LRMDA: variants seen among roughly 807,000 people sequenced by gnomAD.
The protein encoded by LRMDA is leucine rich melanocyte differentiation associated.
In LRMDA, 18 loss-of-function variants were observed where a neutral mutation model predicts 29.8. The ratio of observed to expected loss-of-function variants is 0.60; its 90% CI spans 0.42 to 0.90. The LOEUF is 0.90. LRMDA is among the 40% of genes least tolerant of loss of function. LRMDA has a pLI of 0.00. For missense variants in LRMDA, 273 were observed against 273.9 expected (o/e 1.00, Z 0.02); for synonymous variants, 125 against 109.4 (o/e 1.14, Z -0.89).
intron 2 of LRMDA, among the ~76,000 whole-genome samples, chr10:75,891,216 C>T (rs1845485067): frequency 6.6e-6 from 1 of 152,188 alleles, no homozygotes; most frequent in African/African-American, 2.4e-5. Flanking sequence ...GAGGTCCCTG[C>T]CCTTCCCTGT....
chr10:75,664,106 T>C (rs1273660441), intron 2 of LRMDA, among the ~76,000 whole-genome samples: 1 of 152,208 alleles, frequency 6.6e-6, no homozygotes, highest in African/African-American at 2.4e-5. Context: ...GCCTCCACTC[T>C]AGAAAATGTA....
rs557190511 is a variant in LRMDA at position 75,594,691 on chromosome 10, G to T, written c.131+156197G>T. On this transcript the variant is annotated intron_variant, in intron 2 of 6. Coordinates refer to ENST00000611255, the MANE Select transcript of LRMDA (RefSeq NM_001305581.2). ...TGTTATTTAATTGGTCATAGTAGGG[G>T]GGATCCTAGCATATGCGAGACAGCG... is the stretch of plus-strand genomic sequence containing the variant. Among the ~76,000 whole-genome samples, 8 of 152,302 alleles carry T rather than the reference G, an allele frequency of 5.3e-5. No homozygotes were observed. In the South Asian group the frequency reaches 1.7e-3, roughly 32 times the overall value.
At chr10:75,696,569 A>G (rs1044221321) in intron 2 of LRMDA, among the ~76,000 whole-genome samples, 2 of 152,272 alleles carry the variant, frequency 1.3e-5, no homozygotes, top group African/African-American at 4.8e-5. Context: ...CTTTAGCGGT[A>G]CATGATTGGT....
Position 76,488,772 on chromosome 10 carries a change from A to G in LRMDA, c.602-68437A>G, listed in dbSNP as rs1207990752. 3.3e-5 allele frequency among the ~76,000 whole-genome samples: 5 copies of G among 152,000 alleles called. No homozygotes were observed. In the East Asian group the frequency reaches 9.8e-4, roughly 30 times the overall value. On this transcript the variant is annotated intron_variant, in intron 6 of 6. Transcript: ENST00000611255. ...CTCCAAATCCTCACCAACACTTGGT[A>G]TGGTGAGTCTTTTTAATTATCATAT...
chr10:75,960,636 T>C (rs773521081), intron 2 of LRMDA, among the ~76,000 whole-genome samples: 1 of 152,186 alleles, frequency 6.6e-6, no homozygotes, highest in African/African-American at 2.4e-5. Flanking sequence ...ATTTTAGAGA[T>C]AGAGTCTCAC....
At chr10:75,562,440 G>A (rs1007563775) in intron 2 of LRMDA, among the ~76,000 whole-genome samples, 10 of 152,054 alleles carry the variant, frequency 6.6e-5, no homozygotes, top group African/African-American at 2.4e-4. Context: ...CACGTGAGAT[G>A]GGTTTCCTGA....
At chr10:75,457,703 G>A (rs1013873066) in intron 2 of LRMDA, among the ~76,000 whole-genome samples, 5 of 152,162 alleles carry the variant, frequency 3.3e-5, no homozygotes, top group Admixed American at 2.0e-4. Flanking sequence ...TCTCAGATAT[G>A]TTTTAGTCCT....
At chr10:75,530,200 G>A (rs1845460913) in intron 2 of LRMDA, among the ~76,000 whole-genome samples, 1 of 151,904 alleles carries the variant, frequency 6.6e-6, no homozygotes, top group Non-Finnish European at 1.5e-5. Context: ...ATGCCAGTGG[G>A]ATTATGGGTC....
intron 2 of LRMDA, among the ~76,000 whole-genome samples, chr10:75,833,386 T>G (rs1448208202): frequency 1.3e-5 from 2 of 152,202 alleles, no homozygotes; most frequent in Non-Finnish European, 2.9e-5. Flanking sequence ...ATTGGTACTT[T>G]CAAGGGCTGT....
At chr10:76,121,857 C>G (rs187857488) in intron 5 of LRMDA, among the ~76,000 whole-genome samples, 199 of 152,228 alleles carry the variant, frequency 1.3e-3, no homozygotes, top group Non-Finnish European at 2.3e-3. Context: ...TTCTATGGTT[C>G]CCATTGGGGA....
intron 2 of LRMDA, among the ~76,000 whole-genome samples, chr10:76,033,455 G>C (rs932120822): frequency 6.6e-6 from 1 of 152,112 alleles, no homozygotes; most frequent in Non-Finnish European, 1.5e-5. Context: ...CCCACCCTGA[G>C]GGGAAGAAAG....
intron 2 of LRMDA, among the ~76,000 whole-genome samples, chr10:75,967,080 C>T (rs756869407): frequency 1.3e-5 from 2 of 152,134 alleles, no homozygotes; most frequent in Non-Finnish European, 2.9e-5. Context: ...GTACAAGTTT[C>T]CTTGAGGTGT....
At chr10:75,489,254 T>C (rs1465315157) in intron 2 of LRMDA, among the ~76,000 whole-genome samples, 2 of 146,768 alleles carry the variant, frequency 1.4e-5, no homozygotes, top group East Asian at 2.0e-4. Flanking sequence ...AAAATTTCAC[T>C]AGCTGAGGAT....
intron 2 of LRMDA, among the ~76,000 whole-genome samples, chr10:75,780,984 C>T (rs534037636): frequency 1.3e-5 from 2 of 152,362 alleles, no homozygotes; most frequent in African/African-American, 2.4e-5. Flanking sequence ...CCCCTTGTCC[C>T]TGCCAGAGCA....
At chr10:76,311,144 T>A (rs1840624625) in intron 5 of LRMDA, among the ~76,000 whole-genome samples, 2 of 152,216 alleles carry the variant, frequency 1.3e-5, no homozygotes, top group Non-Finnish European at 2.9e-5. Context: ...AAGCCAGTAT[T>A]TGACTCTGTT....
At chr10:76,182,228 A>G (rs1237030123) in intron 5 of LRMDA, among the ~76,000 whole-genome samples, 2 of 152,162 alleles carry the variant, frequency 1.3e-5, no homozygotes, top group Non-Finnish European at 2.9e-5. Flanking sequence ...ACATGGTGGC[A>G]GGATAGAGAG....
At chr10:75,762,467 C>T (rs1467714485) in intron 2 of LRMDA, among the ~76,000 whole-genome samples, 1 of 152,206 alleles carries the variant, frequency 6.6e-6, no homozygotes, top group East Asian at 1.9e-4. Context: ...ATTGGGCACC[C>T]TTGCTGTAAC....
chr10:75,823,303 C>A (rs148440817), intron 2 of LRMDA, among the ~76,000 whole-genome samples: 2 of 152,082 alleles, frequency 1.3e-5, no homozygotes, highest in East Asian at 3.9e-4. Flanking sequence ...GCAAAGGACA[C>A]GAACAGACAT....
At chr10:75,812,423 T>C (rs761514668) in intron 2 of LRMDA, among the ~76,000 whole-genome samples, 10 of 152,120 alleles carry the variant, frequency 6.6e-5, no homozygotes, top group Non-Finnish European at 1.2e-4. Flanking sequence ...TTAAAATATA[T>C]ATATTTAGAG....
Sources: gnomAD v4.1 joint callset for allele counts (sites outside exome capture counted in the v4.1 genomes callset) on GRCh38, gnomAD v4.1.1 for gene constraint, MANE v1.5 for transcripts, NCBI Gene and HGNC (gene_info 2026-07-23, HGNC 2026-07-21) for gene names.